Variants in DPYD observed in about 807,000 individuals in gnomAD.
DPYD encodes the protein dihydropyrimidine dehydrogenase [NADP(+)].
In DPYD, 109 loss-of-function variants were observed where a neutral mutation model predicts 116.2. That is an observed-to-expected ratio of 0.94 (90% CI 0.80 to 1.10). The LOEUF (loss-of-function observed/expected upper bound fraction) is 1.10, where lower values mean the gene tolerates loss of function less well. Ranked by LOEUF, DPYD falls within the 50% of genes least tolerant of loss-of-function variation. The pLI, the probability that DPYD is intolerant of heterozygous loss-of-function variation, is 0.00. For missense variants in DPYD, 1,302 were observed against 1,254.5 expected (o/e 1.04, Z -0.57); for synonymous variants, 440 against 432.0 (o/e 1.02, Z -0.23).
At chr1:97,506,511 T>C (rs1049541503) in intron 13 of DPYD, among the ~76,000 whole-genome samples, 2 of 151,966 alleles carry the variant, frequency 1.3e-5, no homozygotes, top group Middle Eastern at 3.2e-3. Flanking sequence ...ATGAGAATTT[T>C]CCATTAACCT....
In DPYD at chr1:97,868,086, C is replaced by CA. The variant is rs373009707; in HGVS notation, c.150+15177dup. ...ATCTACACATTAACAATAAACCACCCAAAAAAAAAAGAAATCAAGAAAACA... is the reference window on the plus strand; with the variant it reads ...ATCTACACATTAACAATAAACCACCCAAAAAAAAAAAGAAATCAAGAAAACA... On this transcript the variant is annotated intron_variant, in intron 2 of 22. Coordinates refer to ENST00000370192, the MANE Select transcript of DPYD (RefSeq NM_000110.4). Among the ~76,000 whole-genome samples, 768 of 142,504 alleles carry CA rather than the reference C, an allele frequency of 5.4e-3. 9 individuals carry two copies. Among genetic ancestry groups the CA allele is most frequent in the Middle Eastern group, 0.031 (9 of 286 alleles). 93.5% of individuals were successfully genotyped at this position (142,504 alleles called of 152,430 possible). A position where few individuals can be genotyped will look rare whatever the true frequency, so the allele number is the denominator to read the frequency against.
rs148435545 is a variant in DPYD at position 97,503,069 on chromosome 1, T to C, written c.1740+12657A>G. Among the ~76,000 whole-genome samples, 293 of 152,164 alleles carry C rather than the reference T, an allele frequency of 1.9e-3. 7 individuals are homozygous for C. The East Asian group carries it at 0.048, about 25-fold the overall frequency. ...CTAGTATGATTCACTATGAAAACCATAATTTAAAACTTAAGAGTATATTGT... is the reference window on the plus strand; with the variant it reads ...CTAGTATGATTCACTATGAAAACCACAATTTAAAACTTAAGAGTATATTGT... On this transcript the variant is annotated intron_variant, in intron 13 of 22. Coordinates refer to ENST00000370192, the MANE Select transcript of DPYD (RefSeq NM_000110.4).
chr1:97,462,439 A>G (rs1050665395), intron 13 of DPYD, among the ~76,000 whole-genome samples: 5 of 151,820 alleles, frequency 3.3e-5, no homozygotes, highest in Non-Finnish European at 1.5e-5. Flanking sequence ...AAGCCCCCCA[A>G]TCATATGAAT....
intron 16 of DPYD, among the ~76,000 whole-genome samples, chr1:97,361,541 T>A (rs1460730786): frequency 6.6e-6 from 1 of 152,196 alleles, no homozygotes; most frequent in African/African-American, 2.4e-5. Flanking sequence ...TGAATATCGA[T>A]GCAAAAATCC....
At chr1:97,126,157 A>G (rs1652816082) in intron 20 of DPYD, among the ~76,000 whole-genome samples, 1 of 152,078 alleles carries the variant, frequency 6.6e-6, no homozygotes, top group African/African-American at 2.4e-5. Flanking sequence ...TCTTTCCAGA[A>G]CTGCTCTTTT....
intron 14 of DPYD, among the ~76,000 whole-genome samples, chr1:97,446,641 C>A (rs1228016787): frequency 6.6e-6 from 1 of 152,150 alleles, no homozygotes; most frequent in Non-Finnish European, 1.5e-5. Context: ...TGAAGCCCTA[C>A]CTTCTGCTTC....
intron 20 of DPYD, among the ~76,000 whole-genome samples, chr1:97,140,541 A>G (rs924096308): frequency 1.3e-5 from 2 of 152,148 alleles, no homozygotes; most frequent in Non-Finnish European, 2.9e-5. Flanking sequence ...ATGCCATAAG[A>G]GCACTACACA....
At chr1:97,484,524 C>T (rs563739531) in intron 13 of DPYD, among the ~76,000 whole-genome samples, 7 of 152,158 alleles carry the variant, frequency 4.6e-5, no homozygotes, top group African/African-American at 1.2e-4. Flanking sequence ...CCTTTGTGGC[C>T]ACCATGTTCT....
intron 20 of DPYD, among the ~76,000 whole-genome samples, chr1:97,157,602 G>T (rs2101735300): frequency 6.6e-6 from 1 of 152,222 alleles, no homozygotes; most frequent in East Asian, 1.9e-4. Context: ...GGGAAGCAAT[G>T]ATTATAAGGC....
intron 18 of DPYD, among the ~76,000 whole-genome samples, chr1:97,291,328 C>T (rs12745877): frequency 2.6e-5 from 4 of 152,004 alleles, no homozygotes; most frequent in Admixed American, 6.6e-5. Flanking sequence ...CCAGCCATCC[C>T]ATTACTGGGT....
intron 1 of DPYD, among the ~76,000 whole-genome samples, chr1:97,910,208 C>G (rs1290320467): frequency 6.6e-6 from 1 of 151,992 alleles, no homozygotes; most frequent in Non-Finnish European, 1.5e-5. Flanking sequence ...TATTGTTCCT[C>G]CATTAGAATG....
intron 18 of DPYD, among the ~76,000 whole-genome samples, chr1:97,262,246 G>T (rs895148705): frequency 1.3e-5 from 2 of 151,974 alleles, no homozygotes; most frequent in Non-Finnish European, 2.9e-5. Context: ...TAATCTTTAC[G>T]CACACTGGGC....
At chr1:97,222,379 A>AT (rs1173787295) in intron 19 of DPYD, among the ~76,000 whole-genome samples, 1 of 152,046 alleles carries the variant, frequency 6.6e-6, no homozygotes, top group Non-Finnish European at 1.5e-5. Context: ...CAATGCTATT[A>AT]TTTTTTTCTA....
At chr1:97,601,838 T>C (rs1234603896) in intron 8 of DPYD, among the ~76,000 whole-genome samples, 1 of 151,892 alleles carries the variant, frequency 6.6e-6, no homozygotes, top group Non-Finnish European at 1.5e-5. Flanking sequence ...CAGAAAAAAA[T>C]GGAGTGATTC....
At chr1:97,720,738 C>A in intron 5 of DPYD, 1 of 1,431,520 alleles carries the variant, frequency 7.0e-7, no homozygotes, top group East Asian at 2.7e-5. Flanking sequence ...TTAATTTGAC[C>A]TTCTAGCCAA....
chr1:97,111,859 T>C (rs958184743), intron 20 of DPYD, among the ~76,000 whole-genome samples: 26 of 152,196 alleles, frequency 1.7e-4, no homozygotes, highest in Admixed American at 3.3e-4. Context: ...CTGGCTCCAT[T>C]TTTACTAGGT....
rs2102184926 is a variant in DPYD, at chr1:97,573,961, C to T, written c.1138G>A (p.Ala380Thr). ...AGAAATTCACACTTTTCTTCCTTAG[C>T]AAGTTCCATCTAAAACAAAACAGAA... ...IRAVPEEMEL[A>T]KEEKCEFLPF... Residue 380 changes from alanine (A) to threonine (T), a missense_variant, in exon 11 of 23, where the codon GCT (alanine) becomes ACT (threonine). Transcript: ENST00000370192. 1 of 1,613,414 alleles carries T rather than the reference C, an allele frequency of 6.2e-7. No individual in the cohort carries two copies. The highest frequency in any genetic ancestry group is 8.5e-7 in the Non-Finnish European group (1 of 1,179,524).
At chr1:97,677,288 A>G (rs917827328) in intron 8 of DPYD, among the ~76,000 whole-genome samples, 33 of 152,166 alleles carry the variant, frequency 2.2e-4, no homozygotes, top group Admixed American at 3.3e-4. Context: ...GTTCTTACAG[A>G]TACATGTATT....
intron 3 of DPYD, chr1:97,797,185 C>T (rs1667615139): frequency 6.6e-6 from 1 of 152,080 alleles, no homozygotes; most frequent in Non-Finnish European, 1.5e-5. Context: ...TCTATTTCCT[C>T]CCCTGAAATT....
Sources: gnomAD v4.1 joint callset for allele counts (sites outside exome capture counted in the v4.1 genomes callset) on GRCh38, gnomAD v4.1.1 for gene constraint, MANE v1.5 for transcripts, NCBI Gene and HGNC (gene_info 2026-07-23, HGNC 2026-07-21) for gene names.